STIM2: variants seen among roughly 807,000 people sequenced by gnomAD.
The protein encoded by STIM2 is stromal interaction molecule 2.
In STIM2, 31 loss-of-function variants were observed where a neutral mutation model predicts 85.8. That is an observed-to-expected ratio of 0.36 (90% confidence interval 0.27 to 0.49). The LOEUF (loss-of-function observed/expected upper bound fraction) is 0.49. Among genes scored for constraint, STIM2 ranks in the 20% least tolerant of loss-of-function variants. The probability of loss-of-function intolerance (pLI) is 0.98; values close to 1 mark genes in which losing one functional copy is unlikely to be tolerated. For missense variants in STIM2, 841 were observed against 927.6 expected (o/e 0.91, Z 1.21); for synonymous variants, 356 against 331.1 (o/e 1.08, Z -0.82).
At chr4:26,873,281 C>T (rs1440296186) in intron 1 of STIM2, among the ~76,000 whole-genome samples, 3 of 152,034 alleles carry the variant, frequency 2.0e-5, no homozygotes, top group African/African-American at 7.2e-5. Flanking sequence ...TGCCTGTAAT[C>T]CCAGCTACTT....
intron 3 of STIM2, among the ~76,000 whole-genome samples, chr4:26,982,233 G>A (rs1727425986): frequency 6.6e-6 from 1 of 151,890 alleles, no homozygotes; most frequent in Admixed American, 6.6e-5. Context: ...TTGAAACTAG[G>A]AATTTGAGAA....
chr4:26,909,425 A>G (rs1438169941), intron 1 of STIM2, among the ~76,000 whole-genome samples: 1 of 152,206 alleles, frequency 6.6e-6, no homozygotes, highest in African/African-American at 2.4e-5. Context: ...GAATGAATTG[A>G]AAGTTCTTTT....
intron 1 of STIM2, among the ~76,000 whole-genome samples, chr4:26,882,453 C>CTTTCTTTT (rs1267838359): frequency 6.9e-6 from 1 of 143,930 alleles, no homozygotes. Context: ...TTCTTTCTTT[C>CTTTCTTTT]TTTTTTTTTG....
At chr4:26,972,294 A>G (rs575017225) in intron 3 of STIM2, among the ~76,000 whole-genome samples, 1 of 152,266 alleles carries the variant, frequency 6.6e-6, no homozygotes, top group East Asian at 1.9e-4. Context: ...AGGAGTGGTG[A>G]GAGAGGGCGT....
chr4:26,930,630 G>A (rs1041309444), intron 2 of STIM2, among the ~76,000 whole-genome samples: 15 of 152,044 alleles, frequency 9.9e-5, no homozygotes, highest in African/African-American at 3.6e-4. Flanking sequence ...TTTTATACCT[G>A]TTGGAAAGCT....
chr4:26,910,134 G>A (rs1005767815), intron 1 of STIM2, among the ~76,000 whole-genome samples: 6 of 152,064 alleles, frequency 3.9e-5, no homozygotes, highest in Non-Finnish European at 8.8e-5. Context: ...TCTGCACCTA[G>A]TCAACTATTT....
Position 27,023,181 on chromosome 4 carries a change from T to A in STIM2, c.*185T>A. The stretch of plus-strand genomic sequence containing the variant: ...TACTGTCTGCTTATTTAAGTGACTA[T>A]ATATAATCAATTCATCAAGCCAGTT... On this transcript the variant is annotated 3_prime_UTR_variant, in exon 12 of 12. Transcript: ENST00000467087. 1.7e-6 allele frequency: 1 copy of A among 605,088 alleles called. No individual in the cohort carries two copies. The highest frequency in any genetic ancestry group is 2.9e-6 in the Non-Finnish European group (1 of 342,750). 37.5% of individuals were successfully genotyped at this position (605,088 alleles called of 1,614,324 possible). A position where few individuals can be genotyped will look rare whatever the true frequency, so the allele number is the denominator to read the frequency against.
intron 1 of STIM2, among the ~76,000 whole-genome samples, chr4:26,885,632 A>G (rs1338724114): frequency 6.6e-6 from 1 of 151,800 alleles, no homozygotes. Context: ...TATTTGTGAC[A>G]TAGTTTTCAT....
chr4:26,996,393 T>C lies in STIM2; in HGVS notation c.509+903T>C, dbSNP rs16878675. ...TGATTTCCTACATCCAAAAAGACTC[T>C]AATCAGTTATTACAATCTAATCATT... On this transcript the variant is annotated intron_variant, in intron 4 of 11. Transcript: ENST00000467087. Among the ~76,000 whole-genome samples the C allele has an allele frequency of 3.1e-3, 473 of 152,184 alleles. 2 individuals are homozygous for C. Among genetic ancestry groups the C allele is most frequent in the Middle Eastern group, 0.014 (4 of 294 alleles).
chr4:26,983,574 A>G (rs898610040), intron 3 of STIM2, among the ~76,000 whole-genome samples: 7 of 152,224 alleles, frequency 4.6e-5, no homozygotes, highest in South Asian at 2.1e-4. Flanking sequence ...AAATATTTCT[A>G]CCATTGGAAT....
chr4:26,864,224 A>G (rs1030629467), intron 1 of STIM2, among the ~76,000 whole-genome samples: 1 of 152,138 alleles, frequency 6.6e-6, no homozygotes, highest in African/African-American at 2.4e-5. Flanking sequence ...TCATAACATT[A>G]TATAGTAAGG....
At chr4:26,906,728 C>T (rs1051200600) in intron 1 of STIM2, among the ~76,000 whole-genome samples, 1 of 151,750 alleles carries the variant, frequency 6.6e-6, no homozygotes, top group East Asian at 1.9e-4. Context: ...TGAGCAGTTT[C>T]CAAAGTTTAA....
intron 3 of STIM2, among the ~76,000 whole-genome samples, chr4:26,959,288 A>G (rs1457265194): frequency 1.3e-5 from 2 of 152,076 alleles, no homozygotes; most frequent in South Asian, 2.1e-4. Flanking sequence ...ACCTGTGGCT[A>G]TTCAACAAAT....
At chr4:26,960,953 A>C (rs1027154426) in intron 3 of STIM2, among the ~76,000 whole-genome samples, 1 of 151,780 alleles carries the variant, frequency 6.6e-6, no homozygotes, top group Non-Finnish European at 1.5e-5. Context: ...CATCCCAGCT[A>C]CTAGGGAGGC....
At chr4:26,910,114 A>C (rs1450859398) in intron 1 of STIM2, among the ~76,000 whole-genome samples, 1 of 152,214 alleles carries the variant, frequency 6.6e-6, no homozygotes, top group Admixed American at 6.5e-5. Context: ...GCACCTGTTA[A>C]CTTTCTTTTT....
At chr4:26,911,231 AAAATAAATAAAT>A (rs34059197) in intron 1 of STIM2, among the ~76,000 whole-genome samples, 43 of 150,950 alleles carry the variant, frequency 2.8e-4, no homozygotes, top group African/African-American at 9.3e-4. Context: ...TGTGTCTCAA[AAAATAAATAAAT>A]AAATAAATAA....
At chr4:26,874,559 T>G (rs909235108) in intron 1 of STIM2, among the ~76,000 whole-genome samples, 3 of 152,232 alleles carry the variant, frequency 2.0e-5, no homozygotes, top group African/African-American at 7.2e-5. Flanking sequence ...CTCATTTTGC[T>G]TAAGTATGAA....
At chr4:26,956,480 G>A (rs895227392) in intron 2 of STIM2, among the ~76,000 whole-genome samples, 3 of 129,414 alleles carry the variant, frequency 2.3e-5, no homozygotes, top group African/African-American at 5.9e-5. Flanking sequence ...TTCTTGCCTT[G>A]TTGCCCAGGT....
intron 1 of STIM2, among the ~76,000 whole-genome samples, chr4:26,866,789 AT>A (rs1156344019): frequency 2.0e-5 from 3 of 152,142 alleles, no homozygotes; most frequent in African/African-American, 2.4e-5. Flanking sequence ...TATCCATTTT[AT>A]TAGATTATTT....
Sources: allele counts gnomAD v4.1 joint callset (sites outside exome capture counted in the v4.1 genomes callset), GRCh38; gene constraint gnomAD v4.1.1; transcripts MANE v1.5; gene names NCBI Gene and HGNC (gene_info 2026-07-23, HGNC 2026-07-21).